Variants in BMAL1 observed in about 807,000 individuals in gnomAD.
BMAL1 encodes basic helix-loop-helix ARNT like 1.
chr11:13,345,112 C>CT, the BMAL1 span, among the ~76,000 whole-genome samples: 205 of 152,332 alleles, frequency 1.3e-3, no homozygotes, highest in Admixed American at 3.1e-3. Flanking sequence ...TGGAAGGCTG[C>CT]TACCCAAGTG....
At chr11:13,355,132 AC>A in the BMAL1 span, 1 of 1,141,932 alleles carries the variant, frequency 8.8e-7, no homozygotes. Flanking sequence ...GTGGAATCTT[AC>A]CCAAATGTCC....
the BMAL1 span, among the ~76,000 whole-genome samples, chr11:13,326,075 C>T: frequency 1.3e-5 from 2 of 151,826 alleles, no homozygotes; most frequent in Admixed American, 6.6e-5. Context: ...TGGTGGCACA[C>T]GCCTGTAGTC....
the BMAL1 span, among the ~76,000 whole-genome samples, chr11:13,368,398 C>T: frequency 6.6e-6 from 1 of 152,204 alleles, no homozygotes; most frequent in African/African-American, 2.4e-5. Context: ...TGTGGAGCCA[C>T]ATGGCTTGCT....
At chr11:13,363,837 G>A in the BMAL1 span, among the ~76,000 whole-genome samples, 1 of 152,188 alleles carries the variant, frequency 6.6e-6, no homozygotes, top group African/African-American at 2.4e-5. Context: ...TGTTCTCACA[G>A]CTTCTGCTCC....
At chr11:13,381,333 T>C in the BMAL1 span, 1 of 1,356,362 alleles carries the variant, frequency 7.4e-7, no homozygotes. Context: ...AGTATGGAAT[T>C]GCAACTGCGA....
At chr11:13,338,373 C>G in the BMAL1 span, among the ~76,000 whole-genome samples, 1 of 152,182 alleles carries the variant, frequency 6.6e-6, no homozygotes, top group East Asian at 1.9e-4. Flanking sequence ...TCATCTTCCT[C>G]CAAGTGCACT....
chr11:13,326,328 C>T, the BMAL1 span: 1 of 152,166 alleles, frequency 6.6e-6, no homozygotes, highest in Non-Finnish European at 1.5e-5. Context: ...ATTCCTAATC[C>T]TGCTTGTCAG....
chr11:13,320,252 C>G, the BMAL1 span, among the ~76,000 whole-genome samples: 7 of 152,230 alleles, frequency 4.6e-5, no homozygotes, highest in African/African-American at 7.2e-5. Context: ...TTCTCTAGCT[C>G]TCCTCTCTGG....
the BMAL1 span, chr11:13,357,017 G>T: frequency 6.2e-7 from 1 of 1,613,900 alleles, no homozygotes; most frequent in Non-Finnish European, 8.5e-7. The surrounding 1 kb of genome is among the most constrained non-coding windows in gnomAD (Gnocchi z 4.8). Flanking sequence ...CATCTCCAGA[G>T]AATTATGTTT....
At chr11:13,362,635 C>G in the BMAL1 span, among the ~76,000 whole-genome samples, 3 of 152,092 alleles carry the variant, frequency 2.0e-5, no homozygotes, top group Admixed American at 6.6e-5. Context: ...GGCTACCACT[C>G]TCAGGACACA....
the BMAL1 span, chr11:13,372,099 C>T: frequency 2.0e-5 from 31 of 1,588,716 alleles, no homozygotes; most frequent in African/African-American, 2.7e-5. Context: ...ATCCCACCAT[C>T]GGCCGTGTAC....
the BMAL1 span, among the ~76,000 whole-genome samples, chr11:13,285,496 G>A: frequency 6.6e-6 from 1 of 152,284 alleles, no homozygotes; most frequent in East Asian, 1.9e-4. Context: ...GTGGGAGGGA[G>A]GGTACCTTAT....
At chr11:13,325,012 G>T in the BMAL1 span, among the ~76,000 whole-genome samples, 27 of 152,350 alleles carry the variant, frequency 1.8e-4, no homozygotes, top group Admixed American at 1.6e-3. Context: ...TGCTAGAGCT[G>T]TGGGGATGGA....
chr11:13,378,447 C>T, the BMAL1 span: 1 of 1,609,512 alleles, frequency 6.2e-7, no homozygotes, highest in South Asian at 1.1e-5. Flanking sequence ...AATCCACAGG[C>T]AAGTAACACC....
At chr11:13,327,969 C>T in the BMAL1 span, among the ~76,000 whole-genome samples, 1 of 152,188 alleles carries the variant, frequency 6.6e-6, no homozygotes, top group Non-Finnish European at 1.5e-5. Context: ...CATGTTTCTG[C>T]AGGGTGTTTG....
chr11:13,280,326 TC>T, the BMAL1 span, among the ~76,000 whole-genome samples: 1 of 152,264 alleles, frequency 6.6e-6, no homozygotes, highest in Non-Finnish European at 1.5e-5. Flanking sequence ...TTCAGATTTA[TC>T]CCTTCACACC....
the BMAL1 span, among the ~76,000 whole-genome samples, chr11:13,286,676 C>T: frequency 2.0e-5 from 3 of 152,026 alleles, no homozygotes; most frequent in Non-Finnish European, 4.4e-5. Context: ...CAGTAGGAAC[C>T]TTGATTTTGA....
the BMAL1 span, chr11:13,385,844 C>T: frequency 7.3e-7 from 1 of 1,364,304 alleles, no homozygotes; most frequent in Non-Finnish European, 1.0e-6. Context: ...AAACATCTTA[C>T]ATAAAGTCAA....
the BMAL1 span, among the ~76,000 whole-genome samples, chr11:13,355,770 ACT>A: frequency 0.056 from 8,476 of 151,754 alleles, 274 homozygotes; most frequent in East Asian, 0.15. Context: ...AGCTGGGGAA[ACT>A]CTCTGCCTGT....
Sources: gnomAD v4.1 joint callset for allele counts (sites outside exome capture counted in the v4.1 genomes callset) on GRCh38, gnomAD v4.1.1 for gene constraint, Gnocchi (gnomAD v3.1) non-coding constraint, MANE v1.5 for transcripts, NCBI Gene and HGNC (gene_info 2026-07-23, HGNC 2026-07-21) for gene names.